TTLL11: variants seen among roughly 807,000 people sequenced by gnomAD.
TTLL11 encodes tubulin tyrosine ligase like 11.
Under a neutral mutation model 51.7 loss-of-function variants are expected in TTLL11, and 42 were observed. The observed-to-expected ratio is 0.81, with a 90% CI of 0.64 to 1.05. TTLL11 has a LOEUF of 1.05. TTLL11 is among the 50% of genes least tolerant of loss of function. TTLL11 has a pLI of 0.00. For missense variants in TTLL11, 799 were observed against 940.4 expected (o/e 0.85, Z 1.97); for synonymous variants, 381 against 383.5 (o/e 0.99, Z 0.08).
intron 4 of TTLL11, among the ~76,000 whole-genome samples, chr9:121,976,386 G>A (rs1588169981): frequency 6.6e-6 from 1 of 152,186 alleles, no homozygotes; most frequent in Non-Finnish European, 1.5e-5. Context: ...CCTTGAGATC[G>A]CTGCCCCTAA....
chr9:121,884,207 T>C (rs1162728399), intron 6 of TTLL11, among the ~76,000 whole-genome samples: 1 of 152,078 alleles, frequency 6.6e-6, no homozygotes, highest in Non-Finnish European at 1.5e-5. Context: ...GGCGACACAA[T>C]GGCCAGACCC....
At chr9:122,015,385 G>A (rs1333152737) in intron 3 of TTLL11, among the ~76,000 whole-genome samples, 1 of 152,144 alleles carries the variant, frequency 6.6e-6, no homozygotes, top group Admixed American at 6.5e-5. Flanking sequence ...GGAAGCAGAT[G>A]GGGAGGTGAA....
intron 3 of TTLL11, among the ~76,000 whole-genome samples, chr9:122,026,757 C>T (rs2131796160): frequency 6.6e-6 from 1 of 152,194 alleles, no homozygotes; most frequent in Non-Finnish European, 1.5e-5. Flanking sequence ...GCAGACACTA[C>T]TTTAACTAAG....
intron 6 of TTLL11, among the ~76,000 whole-genome samples, chr9:121,959,659 G>A (rs11999461): frequency 0.077 from 11,726 of 152,032 alleles, 678 homozygotes; most frequent in African/African-American, 0.16. Flanking sequence ...CCCAAAACTC[G>A]TAACTGTCCC....
At chr9:122,002,235 C>T (rs946035126) in intron 3 of TTLL11, among the ~76,000 whole-genome samples, 3 of 152,234 alleles carry the variant, frequency 2.0e-5, no homozygotes, top group Admixed American at 2.0e-4. Flanking sequence ...GGAAACCTCT[C>T]TGCTTCCTTA....
chr9:121,894,102 ATC>A (rs1318383967), intron 6 of TTLL11, among the ~76,000 whole-genome samples: 1 of 152,174 alleles, frequency 6.6e-6, no homozygotes, highest in East Asian at 1.9e-4. Flanking sequence ...AACATGTGAC[ATC>A]TCTCTCCTAT....
chr9:121,931,541 G>A (rs868463393), intron 6 of TTLL11, among the ~76,000 whole-genome samples: 22 of 136,940 alleles, frequency 1.6e-4, no homozygotes, highest in African/African-American at 5.8e-4. Context: ...TCAGAAGTTC[G>A]AGACCAGCCT....
At position 121,897,470 on chromosome 9, in the gene TTLL11, C is replaced by T. The variant is rs184298715; in HGVS notation, c.1482-26722G>A. Among the ~76,000 whole-genome samples, 35 of 152,242 alleles carry T rather than the reference C, an allele frequency of 2.3e-4. 2 individuals are homozygous for T. The highest frequency in any genetic ancestry group is 2.1e-3 in the Admixed American group (32 of 15,296). ...CTCCAGATACTCAGCCTCATCAGTG[C>T]TCCGGCCATCATCTCTGCGATGACT... On this transcript the variant is annotated intron_variant, in intron 6 of 8. Transcript: ENST00000321582.
chr9:122,024,247 T>C (rs766257213), intron 3 of TTLL11, among the ~76,000 whole-genome samples: 3 of 152,108 alleles, frequency 2.0e-5, no homozygotes, highest in Non-Finnish European at 4.4e-5. Flanking sequence ...AGATGTGAAA[T>C]ACTTGTACGC....
chr9:122,012,201 T>C (rs1357297366), intron 3 of TTLL11, among the ~76,000 whole-genome samples: 2 of 152,180 alleles, frequency 1.3e-5, no homozygotes, highest in African/African-American at 4.8e-5. Context: ...GGCATTGAAG[T>C]CAAGATTGGC....
At chr9:121,911,486 T>C (rs941245286) in intron 6 of TTLL11, among the ~76,000 whole-genome samples, 1 of 152,272 alleles carries the variant, frequency 6.6e-6, no homozygotes, top group African/African-American at 2.4e-5. Context: ...CATATGCACA[T>C]GTATGTTTAT....
chr9:121,931,075 G>T (rs1464988545), intron 6 of TTLL11, among the ~76,000 whole-genome samples: 1 of 152,192 alleles, frequency 6.6e-6, no homozygotes, highest in Non-Finnish European at 1.5e-5. Context: ...ACATGGCAAG[G>T]TTCAAAGACC....
intron 4 of TTLL11, among the ~76,000 whole-genome samples, chr9:121,977,834 C>T (rs1842747706): frequency 6.6e-6 from 1 of 151,930 alleles, no homozygotes; most frequent in African/African-American, 2.4e-5. Flanking sequence ...GCCCCCATGC[C>T]CAGCTAATTT....
chr9:121,828,936 G>T (rs901034780), intron 8 of TTLL11, among the ~76,000 whole-genome samples: 4 of 151,888 alleles, frequency 2.6e-5, no homozygotes, highest in Admixed American at 6.6e-5. Flanking sequence ...CAGCACTCCC[G>T]CCTGGGCAAC....
chr9:121,859,907 C>T (rs890581604), intron 8 of TTLL11, among the ~76,000 whole-genome samples: 3 of 152,222 alleles, frequency 2.0e-5, no homozygotes, highest in Non-Finnish European at 4.4e-5. Context: ...GATAGCTTCT[C>T]TGAGCTTCTC....
intron 8 of TTLL11, among the ~76,000 whole-genome samples, chr9:121,840,289 A>G (rs1380158028): frequency 6.6e-6 from 1 of 152,194 alleles, no homozygotes; most frequent in African/African-American, 2.4e-5. Flanking sequence ...TGGGACCACC[A>G]CGTATCCTCG....
intron 6 of TTLL11, among the ~76,000 whole-genome samples, chr9:121,971,999 G>T (rs567073733): frequency 6.6e-6 from 1 of 152,192 alleles, no homozygotes; most frequent in East Asian, 1.9e-4. Context: ...GGGACTAGGG[G>T]AGGGATAGCA....
intron 6 of TTLL11, among the ~76,000 whole-genome samples, chr9:121,894,745 G>A (rs1193269931): frequency 6.6e-6 from 1 of 152,092 alleles, no homozygotes; most frequent in Admixed American, 6.5e-5. Flanking sequence ...ACCAGGGCCT[G>A]TCGGGGGGTG....
Position 122,062,251 on chromosome 9 carries a change from A to G in TTLL11, c.463-22883T>C, listed in dbSNP as rs539712059. Among the ~76,000 whole-genome samples the G allele has an allele frequency of 7.9e-5, 12 of 152,234 alleles. 1 individual carries two copies. The highest frequency in any genetic ancestry group is 2.9e-4 in the African/African-American group (12 of 41,546). On this transcript the variant is annotated intron_variant, in intron 1 of 8. Transcript: ENST00000321582. ...AGGCTGTTGGAGGATGCTATTCACC[A>G]CATCACACAGGGGCTCTTTTAAGAA...
Sources: allele counts gnomAD v4.1 joint callset (sites outside exome capture counted in the v4.1 genomes callset), GRCh38; gene constraint gnomAD v4.1.1; transcripts MANE v1.5; gene names NCBI Gene and HGNC (gene_info 2026-07-23, HGNC 2026-07-21).